Variants in PIK3CB observed in about 807,000 individuals in gnomAD.
PIK3CB encodes the protein phosphatidylinositol-4,5-bisphosphate 3-kinase catalytic subunit beta, also known as phosphatidylinositol 4,5-bisphosphate 3-kinase catalytic subunit beta isoform.
Under a neutral mutation model 136.8 loss-of-function variants are expected in PIK3CB, and 39 were observed. The observed-to-expected ratio is 0.29, with a 90% CI of 0.22 to 0.37. The LOEUF (loss-of-function observed/expected upper bound fraction) is 0.37. Among genes scored for constraint, PIK3CB ranks in the 10% least tolerant of loss-of-function variants. The pLI is 1.00. For missense variants in PIK3CB, 868 were observed against 1,275.4 expected (o/e 0.68, Z 4.87); for synonymous variants, 428 against 436.6 (o/e 0.98, Z 0.25).
In PIK3CB at chr3:138,694,823, C is replaced by T. The variant is rs762171492; in HGVS notation, c.1855G>A (p.Val619Ile). ...AGGCAGCCTACAGCATATTCTCGAA[C>T]GTACTGGTCTGGATAGTTGAAATCC... ...LLDFNYPDQY[V>I]REYAVGCLRQ... The change falls in exon 14 of 24, where the codon GTT becomes ATT. Residue 619 changes from valine to isoleucine, a missense_variant. Val to Ile is a conservative substitution (Grantham distance 29). This residue lies in a region of PIK3CB where 612 missense variants were observed against 801.1 expected (regional missense o/e 0.76). Coordinates refer to ENST00000674063, the MANE Select transcript of PIK3CB (RefSeq NM_006219.3). 19 of 1,613,090 alleles carry T rather than the reference C, an allele frequency of 1.2e-5. No homozygotes were observed. Among genetic ancestry groups the T allele is most frequent in the Middle Eastern group, 1.6e-4 (1 of 6,084 alleles).
At chr3:138,831,311 T>C (rs1366792897) in intron 1 of PIK3CB, among the ~76,000 whole-genome samples, 2 of 141,170 alleles carry the variant, frequency 1.4e-5, no homozygotes, top group South Asian at 2.3e-4. Flanking sequence ...TTAAAAATAG[T>C]GCTAGGCGCA....
chr3:138,790,179 T>G (rs535604515), intron 2 of PIK3CB, among the ~76,000 whole-genome samples: 54 of 152,246 alleles, frequency 3.5e-4, no homozygotes, highest in African/African-American at 1.2e-3. Flanking sequence ...TCTCAGGGAC[T>G]AAAGAAGAGG....
intron 14 of PIK3CB, among the ~76,000 whole-genome samples, chr3:138,692,783 C>T (rs2044036475): frequency 1.3e-5 from 2 of 152,112 alleles, no homozygotes; most frequent in Admixed American, 6.6e-5. Context: ...CCATAAAGTA[C>T]ATAAGCCTCA....
At chr3:138,826,189 AG>A (rs1933775933) in intron 1 of PIK3CB, 1 of 1,219,748 alleles carries the variant, frequency 8.2e-7, no homozygotes. Context: ...GAGAGCTTCT[AG>A]GACTATCCTC....
chr3:138,700,164 G>C (rs2044220104), intron 12 of PIK3CB, among the ~76,000 whole-genome samples: 1 of 152,192 alleles, frequency 6.6e-6, no homozygotes, highest in African/African-American at 2.4e-5. Context: ...TGAGGCTGCA[G>C]TGAGCCATGA....
In PIK3CB at chr3:138,667,155, G is replaced by A. The variant is rs572517871; in HGVS notation, c.2505-1952C>T. Among the ~76,000 whole-genome samples the A allele has an allele frequency of 5.7e-5, 8 of 140,440 alleles. No individual in the cohort carries two copies. The East Asian group carries it at 1.6e-3, about 29-fold the overall frequency. 92.1% of individuals were successfully genotyped at this position (140,440 alleles called of 152,430 possible). A position where few individuals can be genotyped will look rare whatever the true frequency, so the allele number is the denominator to read the frequency against. ...ACCCAGGAGGCGGAGGTTGCAGTAAGCCGAGATTGCGCCACTGCACTCCAG... is the reference window on the plus strand; with the variant it reads ...ACCCAGGAGGCGGAGGTTGCAGTAAACCGAGATTGCGCCACTGCACTCCAG... On this transcript the variant is annotated intron_variant, in intron 19 of 23. Coordinates refer to ENST00000674063, the MANE Select transcript of PIK3CB (RefSeq NM_006219.3).
At chr3:138,746,353 C>G (rs760382552) in intron 4 of PIK3CB, among the ~76,000 whole-genome samples, 1 of 151,894 alleles carries the variant, frequency 6.6e-6, no homozygotes, top group Non-Finnish European at 1.5e-5. Flanking sequence ...TTTTTTTATG[C>G]CAAACCTTTC....
At chr3:138,831,202 G>C (rs1934019472) in intron 1 of PIK3CB, among the ~76,000 whole-genome samples, 1 of 150,736 alleles carries the variant, frequency 6.6e-6, no homozygotes, top group Admixed American at 6.6e-5. Context: ...CAGGAGAACG[G>C]CGTGAACCCA....
chr3:138,662,250 A>C, intron 21 of PIK3CB, among the ~76,000 whole-genome samples: 2 of 132,350 alleles, frequency 1.5e-5, no homozygotes, highest in Non-Finnish European at 3.1e-5. Flanking sequence ...TCCTAATGCT[A>C]TCCCTCCCCG....
intron 14 of PIK3CB, among the ~76,000 whole-genome samples, chr3:138,691,998 T>G (rs2044018866): frequency 6.6e-6 from 1 of 152,232 alleles, no homozygotes; most frequent in African/African-American, 2.4e-5. Context: ...GTTTGAAGGA[T>G]GAGAAAGTGA....
At chr3:138,690,723 C>T (rs373100208) in intron 15 of PIK3CB, among the ~76,000 whole-genome samples, 1 of 84,650 alleles carries the variant, frequency 1.2e-5, no homozygotes, top group Non-Finnish European at 2.6e-5. Flanking sequence ...AAAACACACA[C>T]AAAAAAAAAA....
intron 8 of PIK3CB, among the ~76,000 whole-genome samples, chr3:138,716,643 C>T (rs778799648): frequency 3.3e-5 from 5 of 152,084 alleles, no homozygotes; most frequent in Non-Finnish European, 7.4e-5. Flanking sequence ...CGCCTGTAAT[C>T]CCAGCATTTT....
intron 12 of PIK3CB, among the ~76,000 whole-genome samples, chr3:138,699,796 T>C (rs778925812): frequency 6.6e-6 from 1 of 152,144 alleles, no homozygotes; most frequent in East Asian, 1.9e-4. Context: ...TAAACAAATA[T>C]ATACTGTCTA....
intron 2 of PIK3CB, among the ~76,000 whole-genome samples, chr3:138,775,089 G>A (rs2045842267): frequency 6.6e-6 from 1 of 152,150 alleles, no homozygotes; most frequent in African/African-American, 2.4e-5. Context: ...CCTCACTATG[G>A]ACTGTAAATT....
In PIK3CB at chr3:138,742,720, G is replaced by A. The variant is rs543749622; in HGVS notation, c.459C>T (p.Arg153=). 2.5e-6 allele frequency: 4 copies of A among 1,613,450 alleles called. No individual in the cohort carries two copies. The South Asian group carries it at 4.4e-5, about 18-fold the overall frequency. ...PEVNEFRRKM[R]KFSEEKILSL... is the part of the protein sequence containing the mutation. Reference sequence around the variant, plus strand: ...ACAGGATTTTTTCCTCGCTGAATTTGCGCATTTTTCTTCGAAATTCATTTA... The same window carrying A: ...ACAGGATTTTTTCCTCGCTGAATTTACGCATTTTTCTTCGAAATTCATTTA... Residue 153 remains arginine, a synonymous_variant, in exon 5 of 24, where the codon CGC becomes CGT. Coordinates refer to ENST00000674063, the MANE Select transcript of PIK3CB (RefSeq NM_006219.3).
At chr3:138,695,714 TTTAA>T (rs929842017) in intron 13 of PIK3CB, among the ~76,000 whole-genome samples, 7 of 152,206 alleles carry the variant, frequency 4.6e-5, no homozygotes, top group African/African-American at 1.4e-4. Context: ...TTTTTTAAAA[TTTAA>T]TTACTCTATT....
At position 138,673,824 on chromosome 3, in the gene PIK3CB, A is replaced by G. The variant is rs574490981; in HGVS notation, c.2504+8143T>C. On this transcript the variant is annotated intron_variant, in intron 19 of 23. Transcript: ENST00000674063. ...AATAGCCCACAATCATGGTGAATGC[A>G]TGTCTGACAGCCACTAGAGGAAAGA... Among the ~76,000 whole-genome samples, 4 of 152,274 alleles carry G rather than the reference A, an allele frequency of 2.6e-5. No individual in the cohort carries two copies. In the East Asian group the frequency reaches 7.7e-4, roughly 29 times the overall value.
chr3:138,696,545 G>C (rs149651740), intron 13 of PIK3CB, among the ~76,000 whole-genome samples: 3 of 151,998 alleles, frequency 2.0e-5, no homozygotes, highest in South Asian at 2.1e-4. Context: ...ATTGAATAAG[G>C]CTAGCTCTTT....
chr3:138,794,528 C>T (rs972029780), intron 2 of PIK3CB, among the ~76,000 whole-genome samples: 7 of 152,126 alleles, frequency 4.6e-5, no homozygotes. Flanking sequence ...AGAAATTTGA[C>T]ACTGGTAATT....
Sources: gnomAD v4.1 joint callset for allele counts (sites outside exome capture counted in the v4.1 genomes callset) on GRCh38, gnomAD v4.1.1 for gene constraint, gnomAD v4.1.1 regional missense constraint, MANE v1.5 for transcripts, NCBI Gene and HGNC (gene_info 2026-07-23, HGNC 2026-07-21) for gene names.